The following FMN1 variants were observed in gnomAD, a reference collection of about 807,000 sequenced individuals.
FMN1 encodes formin 1, also known as formin-1.
A neutral mutation model predicts 132.4 loss-of-function variants in FMN1; 110 were observed. The ratio of observed to expected loss-of-function variants is 0.83; its 90% confidence interval spans 0.71 to 0.97. The LOEUF (loss-of-function observed/expected upper bound fraction) is 0.97, where lower values mean the gene tolerates loss of function less well. Among genes scored for constraint, FMN1 ranks in the 50% least tolerant of loss-of-function variants. The pLI is 0.00. For missense variants in FMN1, 1,792 were observed against 1,705.3 expected, an observed-to-expected ratio of 1.05 and a Z score of -0.90; for synonymous variants, 722 against 651.7, an observed-to-expected ratio of 1.11 and a Z score of -1.64.
At chr15:33,128,883 C>T (rs34098848) in intron 4 of FMN1, among the ~76,000 whole-genome samples, 3,477 of 152,182 alleles carry the variant, frequency 0.023, 131 homozygotes, top group African/African-American at 0.078. Context: ...GCGTGGCCAG[C>T]TTTTATTCCC....
At chr15:32,832,126 A>C (rs1162454148) in intron 17 of FMN1, among the ~76,000 whole-genome samples, 1 of 152,226 alleles carries the variant, frequency 6.6e-6, no homozygotes, top group African/African-American at 2.4e-5. Flanking sequence ...TGGGTTGTTT[A>C]AAAATAGCTA....
At chr15:33,107,859 A>G (rs151181974) in intron 4 of FMN1, among the ~76,000 whole-genome samples, 3,044 of 152,264 alleles carry the variant, frequency 0.02, 60 homozygotes, top group South Asian at 0.093. Flanking sequence ...CTTTGAAGAC[A>G]TTTAAATAAA....
At chr15:32,802,430 A>C (rs1401403465) in intron 18 of FMN1, among the ~76,000 whole-genome samples, 1 of 152,222 alleles carries the variant, frequency 6.6e-6, no homozygotes, top group Non-Finnish European at 1.5e-5. Context: ...TCTCTTGAGA[A>C]TAAAACATAA....
intron 5 of FMN1, among the ~76,000 whole-genome samples, chr15:33,070,671 T>G (rs1262915736): frequency 3.9e-5 from 6 of 151,936 alleles, no homozygotes; most frequent in Admixed American, 3.3e-4. Context: ...GTAAGTAAGG[T>G]ATTATTAGGC....
chr15:32,946,253 A>G (rs1171577092), intron 9 of FMN1, among the ~76,000 whole-genome samples: 1 of 152,166 alleles, frequency 6.6e-6, no homozygotes, highest in Non-Finnish European at 1.5e-5. Flanking sequence ...CGTATCATAC[A>G]CTATCATTCA....
intron 2 of FMN1, among the ~76,000 whole-genome samples, chr15:33,186,913 G>T (rs749771820): frequency 1.2e-4 from 18 of 152,162 alleles, no homozygotes; most frequent in Non-Finnish European, 5.9e-5. Flanking sequence ...GTGACTCTTA[G>T]TCAATGCAGT....
intron 9 of FMN1, among the ~76,000 whole-genome samples, chr15:32,937,510 G>A (rs959188582): frequency 3.3e-5 from 5 of 152,162 alleles, no homozygotes; most frequent in Admixed American, 3.3e-4. Flanking sequence ...TCTCCATGGG[G>A]CAACAAGGAT....
chr15:32,783,114 C>T (rs939912835), intron 19 of FMN1, among the ~76,000 whole-genome samples: 4 of 151,646 alleles, frequency 2.6e-5, no homozygotes, highest in African/African-American at 9.7e-5. Context: ...ATCCGTGTAA[C>T]AAACCTGCAC....
At chr15:32,814,370 C>A (rs189062982) in intron 17 of FMN1, among the ~76,000 whole-genome samples, 1 of 152,242 alleles carries the variant, frequency 6.6e-6, no homozygotes, top group Non-Finnish European at 1.5e-5. Flanking sequence ...ATACATAAAT[C>A]CTGTTTCCTT....
chr15:32,869,336 A>G (rs573131507), intron 16 of FMN1, among the ~76,000 whole-genome samples: 15 of 152,228 alleles, frequency 9.9e-5, no homozygotes, highest in African/African-American at 3.1e-4. Flanking sequence ...CTGGTTAGGA[A>G]AAGTGTCACA....
At chr15:32,845,368 A>G (rs2058832300) in intron 17 of FMN1, among the ~76,000 whole-genome samples, 1 of 152,248 alleles carries the variant, frequency 6.6e-6, no homozygotes, top group African/African-American at 2.4e-5. Flanking sequence ...TGGGAAAGGT[A>G]AAAGAGGACC....
chr15:33,117,924 A>G (rs1305565460), intron 4 of FMN1, among the ~76,000 whole-genome samples: 1 of 152,180 alleles, frequency 6.6e-6, no homozygotes, highest in Non-Finnish European at 1.5e-5. Flanking sequence ...TGGGTGATGG[A>G]GTGGCAGTAC....
intron 3 of FMN1, among the ~76,000 whole-genome samples, chr15:33,176,475 C>T (rs979313887): frequency 1.4e-5 from 2 of 143,608 alleles, no homozygotes; most frequent in Non-Finnish European, 3.0e-5. Flanking sequence ...CACTGCACTC[C>T]AGCCTGGGCG....
chr15:33,081,582 T>C (rs971245705), intron 5 of FMN1, among the ~76,000 whole-genome samples: 3 of 152,160 alleles, frequency 2.0e-5, no homozygotes, highest in African/African-American at 7.2e-5. Flanking sequence ...TTCTCACTGA[T>C]TATAGGAGCT....
chr15:32,814,850 T>C (rs577197767), intron 17 of FMN1, among the ~76,000 whole-genome samples: 34 of 152,332 alleles, frequency 2.2e-4, no homozygotes, highest in South Asian at 1.7e-3. Flanking sequence ...AACTTGTTGC[T>C]TTATTAATTG....
intron 17 of FMN1, among the ~76,000 whole-genome samples, chr15:32,848,319 C>A (rs1381710699): frequency 2.7e-5 from 4 of 147,532 alleles, no homozygotes; most frequent in Non-Finnish European, 5.9e-5. Context: ...GGGGTTCCAG[C>A]AGGTTCATGT....
chr15:33,040,408 A>C (rs1345659953), intron 6 of FMN1, among the ~76,000 whole-genome samples: 1 of 152,204 alleles, frequency 6.6e-6, no homozygotes, highest in Non-Finnish European at 1.5e-5. Flanking sequence ...CCACCTTCAC[A>C]GTGGCAAAAA....
chr15:33,007,869 G>C (rs1329814205), intron 7 of FMN1, 145 bp downstream of exon 7: 4 of 595,424 alleles, frequency 6.7e-6, no homozygotes, highest in East Asian at 2.8e-5. Context: ...TTCATTCCCT[G>C]TATAGACACA....
intron 9 of FMN1, among the ~76,000 whole-genome samples, chr15:32,931,394 A>C (rs2061113241): frequency 6.6e-6 from 1 of 152,228 alleles, no homozygotes; most frequent in Non-Finnish European, 1.5e-5. Context: ...TTTCAAAACT[A>C]GTCTGTACTA....
Sources: allele counts gnomAD v4.1 joint callset (sites outside exome capture counted in the v4.1 genomes callset), GRCh38; gene constraint gnomAD v4.1.1; transcripts MANE v1.5; gene names NCBI Gene and HGNC (gene_info 2026-07-23, HGNC 2026-07-21).